The following MTCL1 variants were observed in gnomAD, a reference collection of about 807,000 sequenced individuals.
MTCL1 encodes microtubule cross-linking factor 1.
Under a neutral mutation model 141.4 loss-of-function variants are expected in MTCL1, and 79 were observed. The observed-to-expected ratio is 0.56, with a 90% CI of 0.47 to 0.67. The LOEUF is 0.67. MTCL1 is among the 30% of genes least tolerant of loss of function. The pLI, the probability that MTCL1 is intolerant of heterozygous loss-of-function variation, is 0.00. For missense variants in MTCL1, 2,177 were observed against 2,113.9 expected (o/e 1.03, Z -0.59); for synonymous variants, 914 against 875.8 (o/e 1.04, Z -0.77).
At chr18:8,786,410 C>T (rs971189257) in intron 7 of MTCL1, 24 of 561,592 alleles carry the variant, frequency 4.3e-5, no homozygotes, top group Middle Eastern at 2.9e-4. Flanking sequence ...CTTGTCCAGT[C>T]GCAGAGAAAG....
exon 6 of MTCL1, chr18:8,784,459 G>C: frequency 6.5e-7 from 1 of 1,541,750 alleles, no homozygotes; most frequent in Non-Finnish European, 8.7e-7. Flanking sequence ...AGGCCCGGGA[G>C]GACTCTGAGT....
At chr18:8,752,428 T>G (rs902719545) in intron 4 of MTCL1, among the ~76,000 whole-genome samples, 1 of 152,230 alleles carries the variant, frequency 6.6e-6, no homozygotes, top group Non-Finnish European at 1.5e-5. Flanking sequence ...GTGTTATTGC[T>G]TTCTTTAGCA....
At chr18:8,747,862 T>C (rs1338381263) in intron 4 of MTCL1, among the ~76,000 whole-genome samples, 1 of 152,180 alleles carries the variant, frequency 6.6e-6, no homozygotes, top group Non-Finnish European at 1.5e-5. Flanking sequence ...TTTTCCTGAG[T>C]GGCTCCAGAT....
intron 4 of MTCL1, among the ~76,000 whole-genome samples, chr18:8,775,535 T>C (rs59844561): frequency 0.03 from 4,541 of 152,046 alleles, 112 homozygotes; most frequent in South Asian, 0.056. Flanking sequence ...ATTGCACCAC[T>C]GCACTCCAGC....
chr18:8,727,823 T>A (rs1335825932), intron 4 of MTCL1, among the ~76,000 whole-genome samples: 1 of 152,028 alleles, frequency 6.6e-6, no homozygotes, highest in Non-Finnish European at 1.5e-5. Flanking sequence ...TCATTGCATT[T>A]TATGTTCTTT....
intron 4 of MTCL1, among the ~76,000 whole-genome samples, chr18:8,726,530 AGTGCGCATGCGCGC>A (rs377494433): frequency 0.056 from 6,236 of 112,196 alleles, 221 homozygotes; most frequent in African/African-American, 0.084. Context: ...AGAGAGAGCG[AGTGCGCATGCGCGC>A]GCGCAACAAG....
exon 15 of MTCL1, chr18:8,825,336 A>G: frequency 6.5e-7 from 1 of 1,538,934 alleles, no homozygotes; most frequent in Non-Finnish European, 8.8e-7. Flanking sequence ...CAGCCTGGAG[A>G]TGTCCAAGAA....
rs2077170977 is a variant in MTCL1 at position 8,830,788 on chromosome 18, TGGGTGTC to T, written c.*19-818_*19-812del. The T allele has an allele frequency of 1.0e-6, 1 of 985,346 alleles. No homozygotes were observed. Among genetic ancestry groups the T allele is most frequent in the Non-Finnish European group, 1.2e-6 (1 of 829,948 alleles). The allele number at this position is 985,346 out of a possible 1,614,324, so 61.0% of individuals were successfully genotyped here. On this transcript the variant is annotated intron_variant, in intron 16 of 16. Coordinates refer to ENST00000359865, the Ensembl canonical transcript of MTCL1. This position sits in a 1 kb window ranked among gnomAD's most constrained non-coding sequence, Gnocchi z 6.4. Reference sequence around the variant, plus strand: ...TCTGTGTATCAGCAAATTCCAAATTTGGGTGTCCTGGTTTTGTAACATGTAAGGACAA... The same window carrying T: ...TCTGTGTATCAGCAAATTCCAAATTTCTGGTTTTGTAACATGTAAGGACAA...
chr18:8,821,587 ACT>A (rs2076847998), intron 14 of MTCL1, 89 bp downstream of exon 13: 4 of 643,318 alleles, frequency 6.2e-6, no homozygotes, highest in Admixed American at 3.4e-5. Context: ...CTATTTTACC[ACT>A]CTCTTCAAAA....
intron 4 of MTCL1, among the ~76,000 whole-genome samples, chr18:8,730,771 A>G (rs1257219610): frequency 6.6e-6 from 1 of 152,182 alleles, no homozygotes; most frequent in Non-Finnish European, 1.5e-5. Flanking sequence ...TGCTGTGTGA[A>G]CATTACTTTG....
At chr18:8,763,061 A>G (rs1408556788) in intron 4 of MTCL1, among the ~76,000 whole-genome samples, 2 of 152,194 alleles carry the variant, frequency 1.3e-5, no homozygotes, top group Non-Finnish European at 2.9e-5. Context: ...TGCCAGCTGC[A>G]CAAAGAAATT....
At chr18:8,824,799 G>A (rs1445632711) in exon 15 of MTCL1, 3 of 1,614,166 alleles carry the variant, frequency 1.9e-6, no homozygotes, top group Non-Finnish European at 2.5e-6. Flanking sequence ...CAAGGAGGAT[G>A]TCACCCCACC....
rs1300309351 is a variant in MTCL1, at chr18:8,796,271, C to G, written c.2050C>G (p.Leu684Val). 2 of 1,614,172 alleles carry G rather than the reference C, an allele frequency of 1.2e-6. No individual in the cohort carries two copies. Among genetic ancestry groups the G allele is most frequent in the Non-Finnish European group, 1.7e-6 (2 of 1,180,026 alleles). ...CCTCTATGCCTTGAGGTGGAAAGAA[C>G]TGGAAATGCACAGCCTGGCTTTGCA... The change falls in exon 9 of 17, where the codon CTG becomes GTG. Residue 684 changes from leucine (L) to valine (V), a missense_variant. Transcript: ENST00000359865.
intron 4 of MTCL1, among the ~76,000 whole-genome samples, chr18:8,725,969 A>G (rs1235164314): frequency 6.6e-6 from 1 of 150,984 alleles, no homozygotes; most frequent in Non-Finnish European, 1.5e-5. Flanking sequence ...TTTTTTGCAT[A>G]TTTAGTAGAG....
intron 6 of MTCL1, among the ~76,000 whole-genome samples, chr18:8,785,485 C>T (rs911210058): frequency 2.0e-5 from 3 of 152,154 alleles, no homozygotes; most frequent in Non-Finnish European, 4.4e-5. Context: ...GGACTGCTGT[C>T]CTAGCCTCGC....
At position 8,778,324 on chromosome 18, in the gene MTCL1, T is replaced by C. The variant is rs367927355; in HGVS notation, c.417+432T>C. ...GCAAGCTGAACGATATCTTGAATGG[T>C]CCTAATTGAAGGTAAAATATTCTCA... On this transcript the variant is annotated intron_variant, in intron 5 of 16. Transcript: ENST00000359865. 8.5e-5 allele frequency among the ~76,000 whole-genome samples: 13 copies of C among 152,358 alleles called. No individual in the cohort carries two copies. The East Asian group carries it at 1.3e-3, about 16-fold the overall frequency.
At chr18:8,816,619 A>G (rs962825880) in intron 12 of MTCL1, among the ~76,000 whole-genome samples, 1 of 152,166 alleles carries the variant, frequency 6.6e-6, no homozygotes, top group African/African-American at 2.4e-5. Context: ...TATTTGCTGT[A>G]CTTGTCAAGC....
rs751527179 is a variant in MTCL1 at position 8,826,821 on chromosome 18, CA to C, written c.4722+593del. Among the ~76,000 whole-genome samples, 11 of 152,322 alleles carry C rather than the reference CA, an allele frequency of 7.2e-5. No homozygotes were observed. The East Asian group carries it at 1.7e-3, about 24-fold the overall frequency. ...ACCAAGTGAAACATATAGACAAAAT[CA>C]AAATCCTACCCTAATACAATATGAT... On this transcript the variant is annotated intron_variant, in intron 15 of 16. Coordinates refer to ENST00000359865, the Ensembl canonical transcript of MTCL1.
exon 1 of MTCL1, chr18:8,706,529 C>T (rs1218550048): frequency 1.0e-5 from 14 of 1,363,680 alleles, no homozygotes; most frequent in South Asian, 3.4e-5. Context: ...AGCGGGGTTT[C>T]GGGGGGTTTC....
Sources: allele counts gnomAD v4.1 joint callset (sites outside exome capture counted in the v4.1 genomes callset), GRCh38; gene constraint gnomAD v4.1.1; non-coding constraint Gnocchi (gnomAD v3.1); transcripts MANE v1.5; gene names NCBI Gene and HGNC (gene_info 2026-07-23, HGNC 2026-07-21).